PCDHGB3: variants seen among roughly 807,000 people sequenced by gnomAD.
The protein encoded by PCDHGB3 is protocadherin gamma subfamily B, 3.
Under a neutral mutation model 59.2 loss-of-function variants are expected in PCDHGB3, and 40 were observed. The ratio of observed to expected loss-of-function variants is 0.68; its 90% CI spans 0.52 to 0.88. The LOEUF is 0.88. PCDHGB3 is among the 40% of genes least tolerant of loss of function. PCDHGB3 has a pLI of 0.00. For missense variants in PCDHGB3, 1,309 were observed against 1,187.9 expected, an observed-to-expected ratio of 1.10 and a Z score of -1.50; for synonymous variants, 581 against 503.6, an observed-to-expected ratio of 1.15 and a Z score of -2.06.
chr5:141,390,539 A>T (rs774441899), intron 1 of PCDHGB3: 22 of 514,666 alleles, frequency 4.3e-5, no homozygotes, highest in Non-Finnish European at 6.5e-5. Flanking sequence ...TTTTAACCAC[A>T]AAGTGAAAGT....
intron 1 of PCDHGB3, chr5:141,441,868 C>A: frequency 3.0e-6 from 1 of 338,212 alleles, no homozygotes; most frequent in Non-Finnish European, 5.8e-6. Flanking sequence ...CGCCGCGGAG[C>A]CTGGCTACCT....
At chr5:141,503,736 T>C (rs1381045077) in intron 2 of PCDHGB3, among the ~76,000 whole-genome samples, 4 of 152,202 alleles carry the variant, frequency 2.6e-5, no homozygotes, top group African/African-American at 9.6e-5. Context: ...TTTGTTGTGA[T>C]GGTATAGAGG....
chr5:141,451,237 A>G (rs1405567593), intron 1 of PCDHGB3, among the ~76,000 whole-genome samples: 1 of 152,198 alleles, frequency 6.6e-6, no homozygotes, highest in Non-Finnish European at 1.5e-5. Context: ...TTATTATCTC[A>G]TAAATTTTGT....
chr5:141,505,413 C>G lies in PCDHGB3; in HGVS notation c.2495C>G (p.Thr832Ser). ...CCCAGCTCCCAAAATGGCGATGACA[C>G]CGGCACCTGGCCCAACAACCAGTTT... Reference protein sequence around the residue: ...GTSGSQNGDDTGTWPNNQFDT... With the variant: ...GTSGSQNGDDSGTWPNNQFDT... Residue 832 changes from threonine to serine, a missense_variant, in exon 3 of 4, where the codon ACC (threonine) becomes AGC (serine). Physicochemically the swap from Thr to Ser is moderately conservative, Grantham distance 58. Coordinates refer to ENST00000576222, the MANE Select transcript of PCDHGB3 (RefSeq NM_018924.5). 2.5e-6 allele frequency: 4 copies of G among 1,614,202 alleles called. No individual in the cohort carries two copies. In the South Asian group the frequency reaches 4.4e-5, roughly 18 times the overall value.
At chr5:141,388,794 A>G (rs879026266) in intron 1 of PCDHGB3, 1 of 1,613,898 alleles carries the variant, frequency 6.2e-7, no homozygotes, top group Non-Finnish European at 8.5e-7. Context: ...TGTTTTAAAT[A>G]CATTAGATTT....
chr5:141,388,628 G>A (rs752578230), intron 1 of PCDHGB3: 2 of 1,613,898 alleles, frequency 1.2e-6, no homozygotes. Flanking sequence ...ACGTATACAG[G>A]GTGAGCCTTT....
rs547284271 is a variant in PCDHGB3 at position 141,489,064 on chromosome 5, C to G, written c.2416-5743C>G. On this transcript the variant is annotated intron_variant, in intron 1 of 3. Coordinates refer to ENST00000576222, the MANE Select transcript of PCDHGB3 (RefSeq NM_018924.5). This position sits in a 1 kb window ranked among gnomAD's most constrained non-coding sequence, Gnocchi z 4.5. ...TCCACTCAAATTCAGCTCCCCTCCC[C>G]CCTGCCCACCCCCGCCACTCGGTGA... 1.9e-4 allele frequency: 74 copies of G among 387,742 alleles called. No homozygotes were observed. The highest frequency in any genetic ancestry group is 1.5e-3 in the African/African-American group (70 of 47,296). The allele number at this position is 387,742 out of a possible 1,614,324, so 24.0% of individuals were successfully genotyped here. A position where few individuals can be genotyped will look rare whatever the true frequency, so the allele number is the denominator to read the frequency against.
chr5:141,485,632 G>T lies in PCDHGB3; in HGVS notation c.2416-9175G>T. The T allele has an allele frequency of 6.2e-7, 1 of 1,611,766 alleles. No homozygotes were observed. Among genetic ancestry groups the T allele is most frequent in the Non-Finnish European group, 8.5e-7 (1 of 1,178,342 alleles). The stretch of plus-strand genomic sequence containing the variant: ...CAGCTCCTCCAGGACAGCGTTTCCC[G>T]TTGGAAAAGGCTCAGGATGCAGATG... On this transcript the variant is annotated intron_variant, in intron 1 of 3. Coordinates refer to ENST00000576222, the MANE Select transcript of PCDHGB3 (RefSeq NM_018924.5). This position sits in a 1 kb window ranked among gnomAD's most constrained non-coding sequence, Gnocchi z 5.7.
In PCDHGB3 at chr5:141,512,249, T is replaced by A. The variant is rs1159090773; in HGVS notation, c.*1076T>A. 6.6e-6 allele frequency: 1 copy of A among 152,598 alleles called. No individual in the cohort carries two copies. The allele number at this position is 152,598 out of a possible 1,614,324, so 9.5% of individuals were successfully genotyped here. On this transcript the variant is annotated 3_prime_UTR_variant, in exon 4 of 4. Coordinates refer to ENST00000576222, the MANE Select transcript of PCDHGB3 (RefSeq NM_018924.5). Reference sequence around the variant, plus strand: ...CCTTGAGAGGTCAGAGGGGCCTCTGTGGGTGCTGGGTACTCCAGAGGTGCC... The same window carrying A: ...CCTTGAGAGGTCAGAGGGGCCTCTGAGGGTGCTGGGTACTCCAGAGGTGCC...
rs2097438776 is a variant in PCDHGB3 at position 141,432,018 on chromosome 5, T to C, written c.2415+59209T>C. Reference sequence around the variant, plus strand: ...AGGGAACAGGTTCCTAGCTACAACATCACAGTGACCGCCACTGACCGGGGA... The same window carrying C: ...AGGGAACAGGTTCCTAGCTACAACACCACAGTGACCGCCACTGACCGGGGA... On this transcript the variant is annotated intron_variant, in intron 1 of 3. Transcript: ENST00000576222. This position sits in a 1 kb window ranked among gnomAD's most constrained non-coding sequence, Gnocchi z 6.0. 1.9e-6 allele frequency: 3 copies of C among 1,614,048 alleles called. No homozygotes were observed. In the South Asian group the frequency reaches 3.3e-5, roughly 18 times the overall value.
chr5:141,384,576 G>C (rs757254740), intron 1 of PCDHGB3: 3 of 1,614,178 alleles, frequency 1.9e-6, no homozygotes, highest in Admixed American at 1.7e-5. Flanking sequence ...ATGACAACCC[G>C]CCCGAGATCC....
Position 141,432,683 on chromosome 5 carries a change from C to T in PCDHGB3, c.2415+59874C>T, listed in dbSNP as rs138402830. The T allele has an allele frequency of 4.8e-5, 78 of 1,613,968 alleles. No individual in the cohort carries two copies. In the African/African-American group the frequency reaches 9.5e-4, roughly 20 times the overall value. On this transcript the variant is annotated intron_variant, in intron 1 of 3. Transcript: ENST00000576222. The surrounding 1 kb of genome is among the most constrained non-coding windows in gnomAD (Gnocchi z 6.0). ...GGACAGAGACGCGCTCAAGCAGAGC[C>T]TCGTAGTGGCCGTCCAGGACCACGG...
intron 2 of PCDHGB3, among the ~76,000 whole-genome samples, chr5:141,495,550 G>A (rs999176899): frequency 6.6e-6 from 1 of 151,958 alleles, no homozygotes; most frequent in Non-Finnish European, 1.5e-5. Context: ...TCTCTATCTC[G>A]CTTTGCAATC....
Position 141,490,629 on chromosome 5 carries a change from C to T in PCDHGB3, c.2416-4178C>T, listed in dbSNP as rs1174984711. 1.2e-6 allele frequency: 2 copies of T among 1,614,214 alleles called. No individual in the cohort carries two copies. Among genetic ancestry groups the T allele is most frequent in the East Asian group, 2.2e-5 (1 of 44,882 alleles). On this transcript the variant is annotated intron_variant, in intron 1 of 3. Coordinates refer to ENST00000576222, the MANE Select transcript of PCDHGB3 (RefSeq NM_018924.5). This position sits in a 1 kb window ranked among gnomAD's most constrained non-coding sequence, Gnocchi z 5.4. ...ACCAGCAGCTTTACACTGCTTACAT[C>T]CTAGAAAACCGGCCTCCGGGCTCCC...
chr5:141,471,790 C>T (rs1465283136), intron 1 of PCDHGB3, among the ~76,000 whole-genome samples: 1 of 152,068 alleles, frequency 6.6e-6, no homozygotes, highest in Non-Finnish European at 1.5e-5. Context: ...TATGCTATGT[C>T]ATATAAAAGA....
rs1363449 is a variant in PCDHGB3, at chr5:141,413,826, C to T, written c.2415+41017C>T. On this transcript the variant is annotated intron_variant, in intron 1 of 3. Coordinates refer to ENST00000576222, the MANE Select transcript of PCDHGB3 (RefSeq NM_018924.5). ...AGGCCATTCACCACCTGGTCCTCAC[C>T]GCCTCCGACGGGGGTGACCCTCTCC... 4,050 of 1,613,180 alleles carry T rather than the reference C, an allele frequency of 2.5e-3. 115 individuals are homozygous for T. In the African/African-American group the frequency reaches 0.047, roughly 19 times the overall value.
intron 1 of PCDHGB3, chr5:141,375,864 T>G: frequency 6.2e-7 from 1 of 1,613,866 alleles, no homozygotes; most frequent in African/African-American, 1.3e-5. Context: ...GTGGTGGCGG[T>G]GGACAGAGAC....
chr5:141,409,205 A>T, intron 1 of PCDHGB3: 1 of 1,614,068 alleles, frequency 6.2e-7, no homozygotes, highest in African/African-American at 1.3e-5. Context: ...TAAAGTAATC[A>T]TAGAAATCCT....
At chr5:141,415,475 C>T in intron 1 of PCDHGB3, 1 of 1,614,162 alleles carries the variant, frequency 6.2e-7, no homozygotes, top group Non-Finnish European at 8.5e-7. Flanking sequence ...ACCGCGGACT[C>T]GCGAAAGAGT....
Sources: allele counts gnomAD v4.1 joint callset (sites outside exome capture counted in the v4.1 genomes callset), GRCh38; gene constraint gnomAD v4.1.1; non-coding constraint Gnocchi (gnomAD v3.1); transcripts MANE v1.5; gene names NCBI Gene and HGNC (gene_info 2026-07-23, HGNC 2026-07-21).